NT5DC4: variants seen among roughly 807,000 people sequenced by gnomAD.
NT5DC4 encodes the protein 5'-nucleotidase domain-containing protein 4.
Under a neutral mutation model 26.6 loss-of-function variants are expected in NT5DC4, and 44 were observed. That is an observed-to-expected ratio of 1.65 (90% CI 1.30 to 2.13). NT5DC4 has a LOEUF of 2.13. Among genes scored for constraint, NT5DC4 ranks in the 30% most tolerant of loss-of-function variants. The pLI is 0.00. For synonymous variants in NT5DC4, 157 were observed against 86.7 expected (o/e 1.81, Z -4.51); for missense variants, 399 against 228.1 (o/e 1.75, Z -4.83).
chr2:112,722,319 G>A (rs1252074066), intron 4 of NT5DC4, 41 bp downstream of exon 4: 1 of 716,626 alleles, frequency 1.4e-6, no homozygotes. Context: ...GGCCAGGAGG[G>A]GAGGACTGCT....
At chr2:112,738,578 G>GTAAA (rs781250864) in intron 16 of NT5DC4, 2 of 505,100 alleles carry the variant, frequency 4.0e-6, no homozygotes, top group Non-Finnish European at 7.0e-6. Context: ...TAGTTGTAGG[G>GTAAA]TAAATATTCA....
At chr2:112,733,551 C>G (rs1378800807) in intron 16 of NT5DC4, among the ~76,000 whole-genome samples, 3 of 152,240 alleles carry the variant, frequency 2.0e-5, no homozygotes, top group Non-Finnish European at 4.4e-5. Flanking sequence ...CTCTCTTCCC[C>G]CTTCCAGCTG....
chr2:112,736,229 C>CT (rs1679153337), intron 16 of NT5DC4, among the ~76,000 whole-genome samples: 2 of 152,170 alleles, frequency 1.3e-5, no homozygotes, highest in Non-Finnish European at 2.9e-5. Context: ...TTCAGACTCT[C>CT]TAAGCCTGGT....
chr2:112,736,894 ATG>A (rs1169661196), intron 16 of NT5DC4: 1 of 151,822 alleles, frequency 6.6e-6, no homozygotes. Context: ...TGCCACAAAC[ATG>A]TGAGTGCAGA....
rs1160934332 is a variant in NT5DC4 at position 112,722,695 on chromosome 2, C to T, written c.470-19C>T. ...TCTGGCTCCCTGGGCTGACAACTGA[C>T]CATCCTGTCTGCCCCCAGAAACCTA... On this transcript the variant is annotated intron_variant, in intron 5 of 16. Coordinates refer to ENST00000688554, the MANE Select transcript of NT5DC4 (RefSeq NM_001393655.1). 4.2e-6 allele frequency: 3 copies of T among 717,622 alleles called. No individual in the cohort carries two copies. The highest frequency in any genetic ancestry group is 7.8e-6 in the Non-Finnish European group (3 of 385,114). 44.5% of individuals were successfully genotyped at this position (717,622 alleles called of 1,614,324 possible).
At position 112,724,808 on chromosome 2, in the gene NT5DC4, T is replaced by A; in HGVS notation, c.817T>A (p.Ser273Thr). 1.4e-6 allele frequency: 1 copy of A among 717,004 alleles called. No homozygotes were observed. The highest frequency in any genetic ancestry group is 2.7e-5 in the East Asian group (1 of 37,272). 44.4% of individuals were successfully genotyped at this position (717,004 alleles called of 1,614,324 possible). ...TGAAGCCTCGGGCAGGCCCTGGAGGTCCTACTTTGACCTGATCGTGGTGGA... is the reference window on the plus strand; with the variant it reads ...TGAAGCCTCGGGCAGGCCCTGGAGGACCTACTTTGACCTGATCGTGGTGGA... ...EAEASGRPWRSYFDLIVVDTQ... is the reference protein window; with the variant it reads ...EAEASGRPWRTYFDLIVVDTQ... Residue 273 changes from serine (S) to threonine (T), a missense_variant, in exon 11 of 17, where the codon TCC (serine) becomes ACC (threonine). By Grantham distance (58) the Ser-to-Thr change is moderately conservative. Coordinates refer to ENST00000688554, the MANE Select transcript of NT5DC4 (RefSeq NM_001393655.1).
chr2:112,719,900 TTCTTTTTCTTTCTTTCTTTCTTTCTC>T (rs1676680807), upstream of NT5DC4, among the ~76,000 whole-genome samples: 10 of 108,848 alleles, frequency 9.2e-5, no homozygotes, highest in South Asian at 2.8e-3. Flanking sequence ...CTTTCTTTCT[TTCTTTTTCTTTCTTTCTTTCTTTCTC>T]TTTCTTTCTT....
intron 16 of NT5DC4, among the ~76,000 whole-genome samples, chr2:112,733,261 T>C (rs1282627002): frequency 6.6e-6 from 1 of 151,988 alleles, no homozygotes; most frequent in African/African-American, 2.4e-5. Flanking sequence ...GTTTTTTTTT[T>C]TTTTTAAACT....
chr2:112,730,594 C>T (rs564062916), intron 16 of NT5DC4, among the ~76,000 whole-genome samples: 9 of 152,224 alleles, frequency 5.9e-5, no homozygotes, highest in African/African-American at 2.2e-4. Flanking sequence ...GGAGTGGATG[C>T]CTGGATTCCT....
intron 4 of NT5DC4, 24 bp downstream of exon 4, chr2:112,722,302 A>G (rs1235137226): frequency 4.2e-6 from 3 of 716,754 alleles, no homozygotes; most frequent in Non-Finnish European, 7.8e-6. Context: ...GTGCCGGGAG[A>G]GTGGCAGGCC....
chr2:112,722,532 A>G lies in NT5DC4; in HGVS notation c.412A>G (p.Ile138Val). The G allele has an allele frequency of 1.4e-6, 1 of 717,398 alleles. No individual in the cohort carries two copies. The highest frequency in any genetic ancestry group is 1.5e-5 in the South Asian group (1 of 67,604). The allele number at this position is 717,398 out of a possible 1,614,324, so 44.4% of individuals were successfully genotyped here. A position where few individuals can be genotyped will look rare whatever the true frequency, so the allele number is the denominator to read the frequency against. Residue 138 changes from isoleucine (I) to valine (V), a missense_variant, in exon 5 of 17, where the codon ATT becomes GTT. By Grantham distance (29) the Ile-to-Val change is conservative. Coordinates refer to ENST00000688554, the MANE Select transcript of NT5DC4 (RefSeq NM_001393655.1). The part of the protein sequence containing the change: ...EIWSFYPSKF[I>V]QRDDLQCFYI... Reference sequence around the variant, plus strand: ...CTGGAGCTTCTACCCCAGCAAGTTCATTCAGAGGGACGACCTGCAGTGTTT... The same window carrying G: ...CTGGAGCTTCTACCCCAGCAAGTTCGTTCAGAGGGACGACCTGCAGTGTTT...
intron 10 of NT5DC4, 111 bp downstream of exon 10, chr2:112,724,237 GAAGAC>G (rs1480772560): frequency 1.4e-6 from 1 of 703,732 alleles, no homozygotes; most frequent in Non-Finnish European, 2.6e-6. Context: ...TCCCTTTGAG[GAAGAC>G]CTGAGTGTGT....
rs181661971 is a variant in NT5DC4, at chr2:112,723,926, G to A, written c.756+124G>A. The A allele has an allele frequency of 2.5e-4, 172 of 690,640 alleles. No individual in the cohort carries two copies. In the African/African-American group the frequency reaches 2.7e-3, roughly 11 times the overall value. The allele number at this position is 690,640 out of a possible 1,614,324, so 42.8% of individuals were successfully genotyped here. On this transcript the variant is annotated intron_variant, in intron 9 of 16. Transcript: ENST00000688554. ...AAGACCCTCCTACCCCCACCACTGG[G>A]CTGGTCTCCTGGACTCCATTTCTTG...
intron 16 of NT5DC4, among the ~76,000 whole-genome samples, chr2:112,730,139 C>G (rs1442000079): frequency 6.6e-6 from 1 of 151,880 alleles, no homozygotes. Flanking sequence ...ATGGTGAAAA[C>G]CCGTCTCTAT....
chr2:112,742,874 T>C (rs918582963), downstream of NT5DC4: 2 of 722,708 alleles, frequency 2.8e-6, no homozygotes, highest in African/African-American at 3.6e-5. Flanking sequence ...AAGTTTCCTT[T>C]TAAAATCTCG....
intron 16 of NT5DC4, among the ~76,000 whole-genome samples, chr2:112,735,489 C>G (rs912782062): frequency 1.7e-4 from 21 of 121,508 alleles, no homozygotes; most frequent in East Asian, 3.8e-4. Flanking sequence ...TCCTCCCCCC[C>G]CTTTTTTTCT....
intron 9 of NT5DC4, 89 bp downstream of exon 9, chr2:112,723,891 G>A: frequency 4.3e-6 from 3 of 699,878 alleles, no homozygotes; most frequent in South Asian, 1.5e-5. Context: ...GAGGGGTGGG[G>A]CGGGGAGCCA....
chr2:112,719,924 C>CTCTTTCTT (rs35714262), upstream of NT5DC4, among the ~76,000 whole-genome samples: 268 of 69,140 alleles, frequency 3.9e-3, 2 homozygotes, highest in African/African-American at 5.3e-3. Context: ...TTCTTTCTTT[C>CTCTTTCTT]TCTTTCTTTC....
Position 112,722,749 on chromosome 2 carries a change from T to C in NT5DC4, c.505T>C (p.Ser169Pro), listed in dbSNP as rs1376301968. 1.4e-6 allele frequency: 1 copy of C among 717,658 alleles called. No homozygotes were observed. The allele number at this position is 717,658 out of a possible 1,614,324, so 44.5% of individuals were successfully genotyped here. A position where few individuals can be genotyped will look rare whatever the true frequency, so the allele number is the denominator to read the frequency against. The change falls in exon 6 of 17, where the codon TCT becomes CCT. Residue 169 changes from serine (S) to proline (P), a missense_variant. By Grantham distance (74) the Ser-to-Pro change is moderately conservative. Coordinates refer to ENST00000688554, the MANE Select transcript of NT5DC4 (RefSeq NM_001393655.1). ...YLYACLVDFF[S>P]GCSRYTNCDT... The stretch of plus-strand genomic sequence containing the variant: ...CTATGCCTGCTTGGTGGACTTCTTC[T>C]CTGGCTGCTCCCGTTACACTAAGTG...
Sources: gnomAD v4.1 joint callset for allele counts (sites outside exome capture counted in the v4.1 genomes callset) on GRCh38, gnomAD v4.1.1 for gene constraint, MANE v1.5 for transcripts, NCBI Gene and HGNC (gene_info 2026-07-23, HGNC 2026-07-21) for gene names.